Variants in NEXMIF observed in about 807,000 individuals in gnomAD.
NEXMIF encodes the protein neurite extension and migration factor.
In NEXMIF, 8 loss-of-function variants were observed where a neutral mutation model predicts 62.1. The ratio of observed to expected loss-of-function variants is 0.13; its 90% CI spans 0.08 to 0.23. The LOEUF (loss-of-function observed/expected upper bound fraction) is 0.23. Ranked by LOEUF, NEXMIF falls within the 10% of genes least tolerant of loss-of-function variation. NEXMIF has a pLI of 1.00. For synonymous variants in NEXMIF, 404 were observed against 416.6 expected (o/e 0.97, Z 0.37); for missense variants, 976 against 1,113.3 (o/e 0.88, Z 1.75).
At chrX:74,856,026 T>C (rs763170251) in intron 1 of NEXMIF, among the ~76,000 whole-genome samples, 5 of 111,711 alleles carry the variant, frequency 4.5e-5, no homozygotes, top group South Asian at 7.5e-4. Flanking sequence ...TTATGAAACA[T>C]GCAAAAAACA....
intron 1 of NEXMIF, among the ~76,000 whole-genome samples, chrX:74,881,711 T>C (rs962237339): frequency 1.3e-5 from 1 of 79,000 alleles, no homozygotes; most frequent in African/African-American, 6.6e-5. Context: ...TTCTCCACCA[T>C]GAGAACCATG....
chrX:74,891,899 C>T (rs1016053918), intron 1 of NEXMIF, among the ~76,000 whole-genome samples: 3 of 112,099 alleles, frequency 2.7e-5, no homozygotes, highest in Non-Finnish European at 5.6e-5. Flanking sequence ...TTTCACAGCT[C>T]AACCTGGAGG....
chrX:74,893,741 C>T (rs1035025773), intron 1 of NEXMIF, among the ~76,000 whole-genome samples: 6 of 111,977 alleles, frequency 5.4e-5, no homozygotes, highest in African/African-American at 1.9e-4. Flanking sequence ...AATCATAAGA[C>T]GCTTTGCAGA....
intron 1 of NEXMIF, among the ~76,000 whole-genome samples, chrX:74,903,941 G>A (rs2080758160): frequency 9.3e-6 from 1 of 107,352 alleles, no homozygotes; most frequent in Non-Finnish European, 1.9e-5. Context: ...GGCTTTGTTG[G>A]GAATGGATGT....
At chrX:74,914,297 T>C (rs1569368147) in intron 1 of NEXMIF, among the ~76,000 whole-genome samples, 2 of 112,158 alleles carry the variant, frequency 1.8e-5, no homozygotes, top group Non-Finnish European at 3.8e-5. Context: ...AACATACATT[T>C]ACCATACAAT....
chrX:74,740,047 G>C, intron 3 of NEXMIF, 53 bp downstream of exon 3: 1 of 1,090,762 alleles, frequency 9.2e-7, no homozygotes, highest in Admixed American at 2.4e-5. Context: ...GGGCTTAGTA[G>C]GTAGTAGGAG....
intron 3 of NEXMIF, 146 bp downstream of exon 3, chrX:74,739,954 C>G (rs1026582838): frequency 1.9e-6 from 1 of 513,045 alleles, no homozygotes; most frequent in Non-Finnish European, 3.1e-6. Flanking sequence ...TTAAAATTTT[C>G]TTTTTACTTT....
At chrX:74,825,316 G>C (rs1025539138) in intron 1 of NEXMIF, among the ~76,000 whole-genome samples, 5 of 111,286 alleles carry the variant, frequency 4.5e-5, no homozygotes, top group African/African-American at 1.6e-4. Context: ...GCGTTGTACA[G>C]TTTATTTCAT....
intron 1 of NEXMIF, among the ~76,000 whole-genome samples, chrX:74,802,530 T>C (rs1459385491): frequency 2.7e-5 from 3 of 111,085 alleles, no homozygotes; most frequent in Non-Finnish European, 5.7e-5. Context: ...CTAAAGTAGA[T>C]AGAGCTTAGG....
chrX:74,924,322 G>T (rs73216285), intron 1 of NEXMIF, among the ~76,000 whole-genome samples: 1,448 of 112,170 alleles, frequency 0.013, 12 homozygotes, highest in Non-Finnish European at 0.021. Context: ...TGAGCTGGGC[G>T]AGGCTCGGTC....
At chrX:74,802,492 C>T (rs184733101) in intron 1 of NEXMIF, among the ~76,000 whole-genome samples, 4 of 111,067 alleles carry the variant, frequency 3.6e-5, no homozygotes, top group East Asian at 5.7e-4. Flanking sequence ...CTGCAAAAGC[C>T]GCAGAATTAT....
chrX:74,738,611 T>C lies in NEXMIF; in HGVS notation c.*794A>G, dbSNP rs1398071071. 9.0e-6 allele frequency: 1 copy of C among 111,657 alleles called. No individual in the cohort carries two copies. Among genetic ancestry groups the C allele is most frequent in the Non-Finnish European group, 1.9e-5 (1 of 53,069 alleles). 9.2% of individuals were successfully genotyped at this position (111,657 alleles called of 1,213,427 possible). A position where few individuals can be genotyped will look rare whatever the true frequency, so the allele number is the denominator to read the frequency against. ...AATTTTCAGCTACAGATTTTGCTTT[T>C]AGAAAACAAACTTTGAAAGCAGCTG... On this transcript the variant is annotated 3_prime_UTR_variant, in exon 4 of 4. Coordinates refer to ENST00000055682, the MANE Select transcript of NEXMIF (RefSeq NM_001008537.3).
intron 1 of NEXMIF, among the ~76,000 whole-genome samples, chrX:74,902,246 C>T (rs910638828): frequency 5.5e-5 from 6 of 109,235 alleles, no homozygotes; most frequent in Non-Finnish European, 1.1e-4. Flanking sequence ...TACAGCTGCC[C>T]CAGTTAGCTA....
chrX:74,821,366 G>A (rs1447662151), intron 1 of NEXMIF, among the ~76,000 whole-genome samples: 1 of 111,811 alleles, frequency 8.9e-6, no homozygotes, highest in African/African-American at 3.3e-5. Context: ...GAGGTTTTAT[G>A]AGGGAAAAAA....
chrX:74,773,370 A>C (rs2080216981), intron 1 of NEXMIF, among the ~76,000 whole-genome samples: 1 of 112,035 alleles, frequency 8.9e-6, no homozygotes, highest in Admixed American at 9.5e-5. Flanking sequence ...TAACTCTTTC[A>C]GGCCCACCTG....
At position 74,832,986 on chromosome X, in the gene NEXMIF, C is replaced by T. The variant is rs752153813; in HGVS notation, c.-47-87289G>A. On this transcript the variant is annotated intron_variant, in intron 1 of 3. Transcript: ENST00000055682. Reference sequence around the variant, plus strand: ...CCATTGTATGAGAGAAGATGCTTGACATTATTTTAATTTTTTGAATGCTTT... The same window carrying T: ...CCATTGTATGAGAGAAGATGCTTGATATTATTTTAATTTTTTGAATGCTTT... 1.7e-4 allele frequency among the ~76,000 whole-genome samples: 18 copies of T among 105,536 alleles called. No homozygotes were observed. The East Asian group carries it at 5.3e-3, about 31-fold the overall frequency. The allele number at this position is 105,536 out of a possible 115,157, so 91.6% of individuals were successfully genotyped here. A position where few individuals can be genotyped will look rare whatever the true frequency, so the allele number is the denominator to read the frequency against.
intron 1 of NEXMIF, among the ~76,000 whole-genome samples, chrX:74,799,942 T>C (rs1300806698): frequency 1.8e-5 from 2 of 111,518 alleles, no homozygotes; most frequent in Non-Finnish European, 3.8e-5. Flanking sequence ...GGCATTTCTA[T>C]AATAATAGCT....
chrX:74,749,211 T>G (rs1318803280), intron 1 of NEXMIF, among the ~76,000 whole-genome samples: 1 of 110,999 alleles, frequency 9.0e-6, no homozygotes, highest in Non-Finnish European at 1.9e-5. Context: ...TTGGGAAGGC[T>G]TCACTAAAAG....
At chrX:74,811,560 C>G (rs2080360565) in intron 1 of NEXMIF, among the ~76,000 whole-genome samples, 1 of 112,660 alleles carries the variant, frequency 8.9e-6, no homozygotes, top group Non-Finnish European at 1.9e-5. Context: ...ACTTGTAGCT[C>G]TATTCCTTAG....
Sources: allele counts gnomAD v4.1 joint callset (sites outside exome capture counted in the v4.1 genomes callset), GRCh38; gene constraint gnomAD v4.1.1; transcripts MANE v1.5; gene names NCBI Gene and HGNC (gene_info 2026-07-23, HGNC 2026-07-21).